The following FAT3 variants were observed in gnomAD, a reference collection of about 807,000 sequenced individuals.
FAT3 encodes FAT atypical cadherin 3.
Under a neutral mutation model 310.2 loss-of-function variants are expected in FAT3, and 95 were observed. That is an observed-to-expected ratio of 0.31 (90% CI 0.26 to 0.36). The LOEUF is 0.36. Ranked by LOEUF, FAT3 falls within the 10% of genes least tolerant of loss-of-function variation. FAT3 has a pLI of 1.00. For missense variants in FAT3, 5,408 were observed against 5,715.6 expected (o/e 0.95, Z 1.74); for synonymous variants, 2,314 against 2,192.9 (o/e 1.06, Z -1.54).
At chr11:92,457,567 A>G (rs771716904) in intron 2 of FAT3, among the ~76,000 whole-genome samples, 1 of 152,224 alleles carries the variant, frequency 6.6e-6, no homozygotes, top group Non-Finnish European at 1.5e-5. Flanking sequence ...AAAAATCACC[A>G]TATCCAAATT....
chr11:92,447,211 GTA>G (rs1304110582), intron 2 of FAT3, among the ~76,000 whole-genome samples: 3 of 129,556 alleles, frequency 2.3e-5, no homozygotes, highest in African/African-American at 8.9e-5. Flanking sequence ...ATATGTGTAT[GTA>G]TATGTGTGCG....
At chr11:92,843,392 G>A (rs1461987114) in intron 18 of FAT3, among the ~76,000 whole-genome samples, 4 of 152,164 alleles carry the variant, frequency 2.6e-5, no homozygotes, top group Admixed American at 1.3e-4. Context: ...CACATGGAAG[G>A]AAGAGAAAAA....
intron 3 of FAT3, among the ~76,000 whole-genome samples, chr11:92,599,317 C>T (rs185391075): frequency 6.6e-6 from 1 of 152,020 alleles, no homozygotes. Flanking sequence ...AGGAGAAGTA[C>T]AGAATGAAGT....
intron 3 of FAT3, among the ~76,000 whole-genome samples, chr11:92,670,265 T>C (rs1166124267): frequency 6.6e-6 from 1 of 152,206 alleles, no homozygotes; most frequent in Admixed American, 6.5e-5. Context: ...GTTTTATTGC[T>C]TTTTGTTGAA....
intron 3 of FAT3, among the ~76,000 whole-genome samples, chr11:92,635,662 G>A (rs993835858): frequency 6.6e-6 from 1 of 152,090 alleles, no homozygotes; most frequent in Non-Finnish European, 1.5e-5. Flanking sequence ...TCTAATTTTT[G>A]ACATTATTAT....
intron 3 of FAT3, among the ~76,000 whole-genome samples, chr11:92,592,557 T>C (rs746795730): frequency 2.0e-5 from 3 of 152,054 alleles, no homozygotes; most frequent in Non-Finnish European, 4.4e-5. Flanking sequence ...CCTGACCTCA[T>C]GATCTGCCTG....
chr11:92,524,634 G>A lies in FAT3; in HGVS notation c.3293G>A (p.Gly1098Glu). ...GTAACACTTCTCTTTTTTGTCTCAGGGGTCATCACTGCCGCAGACATTCTT... is the reference window on the plus strand; with the variant it reads ...GTAACACTTCTCTTTTTTGTCTCAGAGGTCATCACTGCCGCAGACATTCTT... ...LGRFSIDDES[G>E]VITAADILDR... The change falls in exon 3 of 28, where the codon GGG (glycine) becomes GAG (glutamate). Residue 1098 changes from glycine (G) to glutamate (E), a missense_variant and splice_region_variant. Gly to Glu is a moderately conservative substitution (Grantham distance 98). Around this residue, in one of 5 missense-constraint regions of FAT3, gnomAD observed 4,588 missense variants for 4,809.8 expected, o/e 0.95. Transcript: ENST00000525166. 1 of 1,602,682 alleles carries A rather than the reference G, an allele frequency of 6.2e-7. No homozygotes were observed. Among genetic ancestry groups the A allele is most frequent in the South Asian group, 1.1e-5 (1 of 89,942 alleles).
chr11:92,595,542 G>C (rs761840416), intron 3 of FAT3, among the ~76,000 whole-genome samples: 1 of 152,168 alleles, frequency 6.6e-6, no homozygotes, highest in South Asian at 2.1e-4. Context: ...TTCCCCACTT[G>C]TTGAATTTGG....
chr11:92,401,997 A>G (rs1039940285), intron 2 of FAT3, among the ~76,000 whole-genome samples: 4 of 152,242 alleles, frequency 2.6e-5, no homozygotes, highest in Non-Finnish European at 5.9e-5. Flanking sequence ...ACATAAAGCA[A>G]GCTTCAGAAC....
rs771643329 is a variant in FAT3 at position 92,354,810 on chromosome 11, T to C, written c.2698T>C (p.Tyr900His). Residue 900 changes from tyrosine to histidine, a missense_variant, in exon 2 of 28, where the codon TAT becomes CAT. By Grantham distance (83) the Tyr-to-His change is moderately conservative. This residue lies in a region of FAT3 where 4,588 missense variants were observed against 4,809.8 expected (regional missense o/e 0.95). Transcript: ENST00000525166. The stretch of plus-strand genomic sequence containing the variant: ...GTTGGACCGGGAATCCAAAGCCAAT[T>C]ATTCTTTGAAAATAGAAGCCAGGGA... ...DQLDRESKAN[Y>H]SLKIEARDKA... The C allele has an allele frequency of 6.2e-7, 1 of 1,613,896 alleles. No individual in the cohort carries two copies. Among genetic ancestry groups the C allele is most frequent in the East Asian group, 2.2e-5 (1 of 44,874 alleles).
intron 1 of FAT3, among the ~76,000 whole-genome samples, chr11:92,276,843 G>A (rs916551807): frequency 3.9e-5 from 6 of 152,126 alleles, no homozygotes; most frequent in African/African-American, 1.4e-4. Context: ...TAGCTAACTG[G>A]TATAACCTCG....
chr11:92,366,847 G>A (rs1949035242), intron 2 of FAT3: 1 of 535,128 alleles, frequency 1.9e-6, no homozygotes, highest in Admixed American at 1.9e-5. Flanking sequence ...CCTTACTGAT[G>A]TTGCTGTAGA....
chr11:92,694,707 G>A (rs371970186), intron 3 of FAT3, among the ~76,000 whole-genome samples: 7 of 152,162 alleles, frequency 4.6e-5, no homozygotes, highest in African/African-American at 1.7e-4. Flanking sequence ...GGGCAAAGGG[G>A]TCCTGGTCTT....
chr11:92,747,529 C>T (rs1314486545), intron 4 of FAT3, among the ~76,000 whole-genome samples: 1 of 152,244 alleles, frequency 6.6e-6, no homozygotes, highest in African/African-American at 2.4e-5. Context: ...GGCGTTTTCC[C>T]ATTGTCTTGG....
At chr11:92,822,518 C>CT (rs1947994576) in intron 13 of FAT3, among the ~76,000 whole-genome samples, 1 of 152,176 alleles carries the variant, frequency 6.6e-6, no homozygotes, top group African/African-American at 2.4e-5. Context: ...GTGAAATGTG[C>CT]TTATCAGCTT....
intron 21 of FAT3, 96 bp from the exon 22 acceptor site, chr11:92,866,645 T>C (rs750523982): frequency 4.5e-6 from 5 of 1,110,004 alleles, no homozygotes; most frequent in Non-Finnish European, 6.3e-6. Flanking sequence ...CATTCCAGCT[T>C]TCTTGTGAAG....
chr11:92,583,086 C>CAA (rs5793610), intron 3 of FAT3, among the ~76,000 whole-genome samples: 156 of 144,120 alleles, frequency 1.1e-3, no homozygotes, highest in African/African-American at 3.0e-3. Flanking sequence ...ATATTTTTTT[C>CAA]AAAAAAAAAA....
intron 1 of FAT3, among the ~76,000 whole-genome samples, chr11:92,253,944 T>G (rs1865221483): frequency 6.6e-6 from 1 of 152,192 alleles, no homozygotes; most frequent in South Asian, 2.1e-4. Context: ...ATGTGGATAC[T>G]TACTAATTCA....
At chr11:92,282,325 A>T (rs1199171436) in intron 1 of FAT3, among the ~76,000 whole-genome samples, 2 of 152,054 alleles carry the variant, frequency 1.3e-5, no homozygotes, top group Non-Finnish European at 2.9e-5. Flanking sequence ...TTATTCCCTT[A>T]TGAGACTTTA....
Sources: allele counts gnomAD v4.1 joint callset (sites outside exome capture counted in the v4.1 genomes callset), GRCh38; gene constraint gnomAD v4.1.1; regional missense constraint gnomAD v4.1.1; transcripts MANE v1.5; gene names NCBI Gene and HGNC (gene_info 2026-07-23, HGNC 2026-07-21).